Variants in RNF212B observed in about 807,000 individuals in gnomAD.
RNF212B encodes the protein ring finger protein 212B, also known as E3 ubiquitin-protein ligase RNF212B.
A neutral mutation model predicts 55.5 loss-of-function variants in RNF212B; 52 were observed. That is an observed-to-expected ratio of 0.94 (90% CI 0.75 to 1.18). RNF212B has a LOEUF of 1.18. Ranked by LOEUF, RNF212B falls within the 50% of genes most tolerant of loss-of-function variation. RNF212B has a pLI of 0.00. For missense variants in RNF212B, 289 were observed against 350.4 expected (o/e 0.82, Z 1.40); for synonymous variants, 99 against 121.4 (o/e 0.82, Z 1.21).
At chr14:23,230,669 A>C (rs1360073184) in intron 2 of RNF212B, among the ~76,000 whole-genome samples, 6 of 150,934 alleles carry the variant, frequency 4.0e-5, no homozygotes, top group Admixed American at 3.3e-4. Flanking sequence ...AAAAAAAAAA[A>C]AAAAAAAAAA....
intron 1 of RNF212B, among the ~76,000 whole-genome samples, chr14:23,239,770 C>T (rs1227474962): frequency 6.6e-6 from 1 of 152,028 alleles, no homozygotes; most frequent in African/African-American, 2.4e-5. Context: ...AGGTGCCTGC[C>T]ACCATGCCCA....
chr14:23,208,202 C>T (rs564794147), intron 2 of RNF212B, among the ~76,000 whole-genome samples: 2 of 152,208 alleles, frequency 1.3e-5, no homozygotes, highest in East Asian at 3.9e-4. Flanking sequence ...AAGGAAAGCA[C>T]GAGATGAGTG....
chr14:23,198,518 TA>T (rs773996986), intron 2 of RNF212B, among the ~76,000 whole-genome samples: 1 of 151,452 alleles, frequency 6.6e-6, no homozygotes, highest in Non-Finnish European at 1.5e-5. Context: ...CTACTAAAAA[TA>T]AAAAAAATCA....
chr14:23,243,805 G>A (rs1197935655), intron 3 of RNF212B, among the ~76,000 whole-genome samples: 1 of 151,758 alleles, frequency 6.6e-6, no homozygotes, highest in Non-Finnish European at 1.5e-5. Context: ...GGCCAGCTGA[G>A]GAGGCTCACA....
intron 1 of RNF212B, among the ~76,000 whole-genome samples, chr14:23,187,842 G>A (rs183782971): frequency 6.6e-6 from 1 of 152,112 alleles, no homozygotes; most frequent in Admixed American, 6.5e-5. Flanking sequence ...CACTGCCTAT[G>A]GTCGATTAGA....
chr14:23,207,052 A>G (rs764098160), intron 2 of RNF212B, among the ~76,000 whole-genome samples: 4 of 152,174 alleles, frequency 2.6e-5, no homozygotes, highest in Non-Finnish European at 5.9e-5. Flanking sequence ...ATTTTTAACC[A>G]TTGAGCTGCT....
intron 2 of RNF212B, among the ~76,000 whole-genome samples, chr14:23,202,831 C>A (rs1318502827): frequency 2.2e-5 from 3 of 135,192 alleles, no homozygotes; most frequent in African/African-American, 2.8e-5. Flanking sequence ...GCCTGGGCGA[C>A]AGAGCGAGAC....
At position 23,220,756 on chromosome 14, in the gene RNF212B, T is replaced by C. The variant is rs1881493159; in HGVS notation, c.-1-19589T>C. ...AGGAGAATGGCGTGAACCTGGGAGA[T>C]GGAACTTGAAGTGAGCCGAGATTGC... On this transcript the variant is annotated intron_variant, in intron 2 of 15. Coordinates refer to the RNF212B transcript ENST00000399910. 3.3e-5 allele frequency among the ~76,000 whole-genome samples: 5 copies of C among 150,746 alleles called. No homozygotes were observed. In the South Asian group the frequency reaches 1.1e-3, roughly 32 times the overall value.
At chr14:23,219,886 AAAAC>A (rs1594893029) in intron 2 of RNF212B, among the ~76,000 whole-genome samples, 1 of 152,198 alleles carries the variant, frequency 6.6e-6, no homozygotes, top group East Asian at 1.9e-4. Flanking sequence ...TCAAATCAAA[AAAAC>A]ACACAACAAG....
intron 2 of RNF212B, among the ~76,000 whole-genome samples, chr14:23,223,681 T>C (rs1278471318): frequency 1.3e-5 from 2 of 152,168 alleles, no homozygotes; most frequent in Admixed American, 1.3e-4. Context: ...ATCTGGAATG[T>C]GATAAGAATG....
At chr14:23,269,745 C>A in intron 12 of RNF212B, 118 bp from the exon 13 acceptor site, 1 of 616,974 alleles carries the variant, frequency 1.6e-6, no homozygotes, top group South Asian at 2.0e-5. Flanking sequence ...TCATCAGTTG[C>A]AAGCAGGGAA....
chr14:23,250,333 A>G (rs1045631326), intron 4 of RNF212B, among the ~76,000 whole-genome samples: 1 of 151,926 alleles, frequency 6.6e-6, no homozygotes, highest in African/African-American at 2.4e-5. Context: ...ACAAAAAATT[A>G]GCCAGGTGTC....
At chr14:23,197,610 TA>T (rs908849445) in intron 2 of RNF212B, among the ~76,000 whole-genome samples, 2 of 151,726 alleles carry the variant, frequency 1.3e-5, no homozygotes, top group South Asian at 2.1e-4. Flanking sequence ...CAAATATAAT[TA>T]AAAAATAATA....
intron 3 of RNF212B, among the ~76,000 whole-genome samples, chr14:23,243,807 A>C (rs1883793033): frequency 6.9e-6 from 1 of 145,488 alleles, no homozygotes; most frequent in Non-Finnish European, 1.5e-5. Flanking sequence ...CCAGCTGAGG[A>C]GGCTCACACC....
intron 1 of RNF212B, among the ~76,000 whole-genome samples, chr14:23,192,866 C>A (rs547066059): frequency 6.6e-6 from 1 of 151,622 alleles, no homozygotes; most frequent in African/African-American, 2.4e-5. Context: ...CCAAGGTGGG[C>A]GGATCACCTG....
intron 11 of RNF212B, among the ~76,000 whole-genome samples, chr14:23,268,331 G>T (rs1486136585): frequency 6.6e-6 from 1 of 152,166 alleles, no homozygotes; most frequent in African/African-American, 2.4e-5. Context: ...ATGCCCTGTT[G>T]GTTTTCAAGG....
intron 4 of RNF212B, among the ~76,000 whole-genome samples, chr14:23,253,263 T>A (rs1884548985): frequency 2.0e-5 from 3 of 152,232 alleles, no homozygotes; most frequent in Non-Finnish European, 4.4e-5. Flanking sequence ...GTCTCAGTTT[T>A]AAAATGTTCC....
chr14:23,216,993 C>T (rs1732044401), intron 2 of RNF212B, among the ~76,000 whole-genome samples: 1 of 149,902 alleles, frequency 6.7e-6, no homozygotes, highest in Non-Finnish European at 1.5e-5. Context: ...AGATTAGTGA[C>T]TGACAGATGT....
At chr14:23,242,103 AAAAAG>A (rs1482872579) in intron 2 of RNF212B, among the ~76,000 whole-genome samples, 8 of 91,566 alleles carry the variant, frequency 8.7e-5, no homozygotes, top group African/African-American at 1.2e-4. Context: ...AAAAAAAAAA[AAAAAG>A]AAAAGAAAAA....
Sources: gnomAD v4.1 joint callset for allele counts (sites outside exome capture counted in the v4.1 genomes callset) on GRCh38, gnomAD v4.1.1 for gene constraint, MANE v1.5 for transcripts, NCBI Gene and HGNC (gene_info 2026-07-23, HGNC 2026-07-21) for gene names.